CPQ: variants seen among roughly 807,000 people sequenced by gnomAD.
The protein encoded by CPQ is carboxypeptidase Q.
CPQ carries 37 observed loss-of-function variants against 45.7 expected under a neutral mutation model. That is an observed-to-expected ratio of 0.81 (90% confidence interval 0.62 to 1.07). The LOEUF is 1.07. Ranked by LOEUF, CPQ falls within the 50% of genes least tolerant of loss-of-function variation. The pLI is 0.00. For missense variants in CPQ, 537 were observed against 572.9 expected (o/e 0.94, Z 0.64); for synonymous variants, 186 against 205.8 (o/e 0.90, Z 0.82).
intron 4 of CPQ, among the ~76,000 whole-genome samples, chr8:96,930,172 C>A (rs1812953590): frequency 1.3e-5 from 2 of 152,162 alleles, no homozygotes; most frequent in African/African-American, 4.8e-5. Flanking sequence ...AGCCCAAGAT[C>A]AAGGAGTCAA....
At position 96,961,621 on chromosome 8, in the gene CPQ, T is replaced by TAAAG. The variant is rs1237873435; in HGVS notation, c.850-4312_850-4309dup. Among the ~76,000 whole-genome samples, 6 of 152,362 alleles carry TAAAG rather than the reference T, an allele frequency of 3.9e-5. No homozygotes were observed. The East Asian group carries it at 1.2e-3, about 29-fold the overall frequency. ...TTTTAAAATCTCCACACTGAAGATA[T>TAAAG]AAAGATATTTTTCTCTGTTGCACTT... is the stretch of plus-strand genomic sequence containing the variant. On this transcript the variant is annotated intron_variant, in intron 4 of 7. Transcript: ENST00000220763.
chr8:96,885,172 C>T (rs1403234899), intron 4 of CPQ, among the ~76,000 whole-genome samples: 1 of 152,194 alleles, frequency 6.6e-6, no homozygotes, highest in East Asian at 1.9e-4. Context: ...CTTCATGCTG[C>T]ATCATCCCAT....
chr8:96,955,130 G>A (rs1813335770), intron 4 of CPQ, among the ~76,000 whole-genome samples: 1 of 152,092 alleles, frequency 6.6e-6, no homozygotes, highest in South Asian at 2.1e-4. Flanking sequence ...GGATGGCTGG[G>A]TCAAATGGTA....
chr8:96,787,523 G>GTTTTTTTT (rs1563497163), intron 2 of CPQ, among the ~76,000 whole-genome samples: 7 of 23,830 alleles, frequency 2.9e-4, no homozygotes, highest in East Asian at 4.8e-3. Context: ...TTCTTATAAT[G>GTTTTTTTT]TCTTTTTTTT....
chr8:97,079,900 A>G (rs552588581), intron 7 of CPQ, among the ~76,000 whole-genome samples: 202 of 152,280 alleles, frequency 1.3e-3, no homozygotes, highest in Middle Eastern at 6.8e-3. Flanking sequence ...ATAGAAAACT[A>G]AAAGCGTTGC....
intron 5 of CPQ, among the ~76,000 whole-genome samples, chr8:97,016,671 G>T (rs1199480095): frequency 6.6e-6 from 1 of 152,180 alleles, no homozygotes; most frequent in Non-Finnish European, 1.5e-5. Context: ...CTCTGCCTTT[G>T]AGTTAGGGGA....
At chr8:96,885,437 A>C (rs1812289539) in intron 4 of CPQ, among the ~76,000 whole-genome samples, 1 of 152,168 alleles carries the variant, frequency 6.6e-6, no homozygotes, top group Non-Finnish European at 1.5e-5. Flanking sequence ...ATGGACTAAC[A>C]CTAGGCAGTG....
At chr8:97,054,959 A>G (rs1446877411) in intron 6 of CPQ, among the ~76,000 whole-genome samples, 1 of 152,206 alleles carries the variant, frequency 6.6e-6, no homozygotes, top group Non-Finnish European at 1.5e-5. Flanking sequence ...TCAGGGGGGA[A>G]GTCTACAGAT....
chr8:97,109,614 C>G (rs1163949656), intron 7 of CPQ, among the ~76,000 whole-genome samples: 1 of 152,092 alleles, frequency 6.6e-6, no homozygotes, highest in Non-Finnish European at 1.5e-5. Flanking sequence ...AGTGATTCCC[C>G]CTTTGGCCTG....
rs1586468638 is a variant in CPQ, at chr8:96,961,643, A to C, written c.850-4292A>C. ...ATATAAAGATATTTTTCTCTGTTGC[A>C]CTTAAAACTATCATTATATTGTGTT... On this transcript the variant is annotated intron_variant, in intron 4 of 7. Coordinates refer to ENST00000220763, the MANE Select transcript of CPQ (RefSeq NM_016134.4). Among the ~76,000 whole-genome samples, 7 of 152,306 alleles carry C rather than the reference A, an allele frequency of 4.6e-5. 1 individual carries two copies. The highest frequency in any genetic ancestry group is 3.9e-4 in the Admixed American group (6 of 15,294).
At chr8:96,835,316 C>G (rs186428003) in intron 3 of CPQ, 136 bp downstream of exon 3, 3 of 599,642 alleles carry the variant, frequency 5.0e-6, no homozygotes, top group South Asian at 8.9e-5. Flanking sequence ...AACACACACA[C>G]CCATTCCACA....
intron 4 of CPQ, among the ~76,000 whole-genome samples, chr8:96,907,016 A>G (rs1455742127): frequency 6.6e-6 from 1 of 152,210 alleles, no homozygotes; most frequent in African/African-American, 2.4e-5. Flanking sequence ...AGCTCAGTAG[A>G]TAAGGCAAAC....
At chr8:97,067,903 C>T (rs1458468081) in intron 7 of CPQ, among the ~76,000 whole-genome samples, 1 of 151,966 alleles carries the variant, frequency 6.6e-6, no homozygotes, top group Non-Finnish European at 1.5e-5. Context: ...GTATGAAATT[C>T]TAGATTTTTT....
intron 3 of CPQ, among the ~76,000 whole-genome samples, chr8:96,868,367 C>T (rs1812021486): frequency 6.6e-6 from 1 of 152,072 alleles, no homozygotes; most frequent in South Asian, 2.1e-4. Context: ...TTCACCTTCA[C>T]ATCTGTAAAT....
intron 4 of CPQ, among the ~76,000 whole-genome samples, chr8:96,916,649 C>T (rs1490149238): frequency 1.3e-5 from 2 of 152,042 alleles, no homozygotes; most frequent in Non-Finnish European, 2.9e-5. Flanking sequence ...AACTGAAGTC[C>T]ATAGCTTATT....
At chr8:97,073,195 T>C (rs1810782309) in intron 7 of CPQ, among the ~76,000 whole-genome samples, 1 of 152,218 alleles carries the variant, frequency 6.6e-6, no homozygotes, top group South Asian at 2.1e-4. Context: ...GTATTTTCCA[T>C]CTTGCTTATT....
At chr8:97,136,779 T>C (rs1264407152) in intron 7 of CPQ, among the ~76,000 whole-genome samples, 1 of 152,240 alleles carries the variant, frequency 6.6e-6, no homozygotes, top group Non-Finnish European at 1.5e-5. Context: ...AGCAGGCTCC[T>C]TCTGCCAGCT....
intron 5 of CPQ, among the ~76,000 whole-genome samples, chr8:97,001,717 CTTTCT>C (rs1378418046): frequency 1.9e-4 from 19 of 102,352 alleles, no homozygotes; most frequent in African/African-American, 6.8e-4. Context: ...TTCTTTCTTT[CTTTCT>C]TTTTTTTTTT....
intron 4 of CPQ, among the ~76,000 whole-genome samples, chr8:96,925,934 C>T (rs371797396): frequency 3.2e-4 from 49 of 152,080 alleles, no homozygotes; most frequent in Admixed American, 2.7e-3. Flanking sequence ...GTGATCTGCC[C>T]GCCTTGGCCT....
Sources: allele counts gnomAD v4.1 joint callset (sites outside exome capture counted in the v4.1 genomes callset), GRCh38; gene constraint gnomAD v4.1.1; transcripts MANE v1.5; gene names NCBI Gene and HGNC (gene_info 2026-07-23, HGNC 2026-07-21).